Variants in CHD7 observed in about 807,000 individuals in gnomAD.
CHD7 encodes chromodomain helicase DNA binding protein 7, also known as ATP-dependent chromatin remodeler CHD7.
In CHD7, 24 loss-of-function variants were observed where a neutral mutation model predicts 307.3. The observed-to-expected ratio is 0.08, with a 90% CI of 0.06 to 0.11. The LOEUF (loss-of-function observed/expected upper bound fraction) is 0.11, where lower values mean the gene tolerates loss of function less well. Among genes scored for constraint, CHD7 ranks in the 10% least tolerant of loss-of-function variants. The pLI, the probability that CHD7 is intolerant of heterozygous loss-of-function variation, is 1.00. For missense variants in CHD7, 3,106 were observed against 3,727.1 expected (o/e 0.83, Z 4.34); for synonymous variants, 1,363 against 1,349.9 (o/e 1.01, Z -0.21).
chr8:60,816,275 G>T (rs572860801), intron 7 of CHD7, 112 bp from the exon 8 acceptor site: 15 of 647,662 alleles, frequency 2.3e-5, no homozygotes, highest in Non-Finnish European at 2.7e-6. Flanking sequence ...AGCCTTAATG[G>T]GTAATTAAGC....
At chr8:60,790,220 C>T (rs1811702141) in intron 3 of CHD7, among the ~76,000 whole-genome samples, 2 of 152,016 alleles carry the variant, frequency 1.3e-5, no homozygotes, top group South Asian at 4.1e-4. Context: ...GTCTCTCAGT[C>T]TCTAGCCTCA....
chr8:60,842,341 A>G (rs1006559111), intron 21 of CHD7, among the ~76,000 whole-genome samples: 3 of 152,240 alleles, frequency 2.0e-5, no homozygotes, highest in South Asian at 4.1e-4. Context: ...AATTAAGAAC[A>G]AAGTGTCAAA....
At chr8:60,767,269 G>A (rs562027740) in intron 2 of CHD7, among the ~76,000 whole-genome samples, 1 of 152,310 alleles carries the variant, frequency 6.6e-6, no homozygotes, top group African/African-American at 2.4e-5. Flanking sequence ...TGCTCTAAAG[G>A]GGAGCAGTGC....
chr8:60,744,853 TAA>T (rs149381181), intron 2 of CHD7, among the ~76,000 whole-genome samples: 107 of 141,208 alleles, frequency 7.6e-4, no homozygotes, highest in Admixed American at 8.4e-4. Context: ...AGACTCCATC[TAA>T]AAAAAAAAAA....
At chr8:60,751,182 C>G (rs1809623405) in intron 2 of CHD7, among the ~76,000 whole-genome samples, 1 of 152,090 alleles carries the variant, frequency 6.6e-6, no homozygotes, top group African/African-American at 2.4e-5. Context: ...GTAGTTAATT[C>G]CTCACCTCTA....
At chr8:60,725,539 A>G (rs1808121914) in intron 1 of CHD7, among the ~76,000 whole-genome samples, 1 of 152,196 alleles carries the variant, frequency 6.6e-6, no homozygotes, top group East Asian at 1.9e-4. Context: ...TTATTGTTGG[A>G]AAAGGAAATT....
Position 60,862,265 on chromosome 8 carries a change from A to G in CHD7, c.7900A>G (p.Asn2634Asp), listed in dbSNP as rs1385544270. ...KQKRHRCRNP[N>D]KLDINTLTGE... ...GAAACGACATAGATGTCGAAACCCT[A>G]ATAAATTGGATATAAACACTTTGAC... Residue 2634 changes from asparagine (N) to aspartate (D), a missense_variant, in exon 36 of 38, where the codon AAT (asparagine) becomes GAT (aspartate). By Grantham distance (23) the Asn-to-Asp change is conservative (BLOSUM62 1). Coordinates refer to ENST00000423902, the MANE Select transcript of CHD7 (RefSeq NM_017780.4). 6.2e-7 allele frequency: 1 copy of G among 1,611,740 alleles called. No individual in the cohort carries two copies. Among genetic ancestry groups the G allele is most frequent in the Non-Finnish European group, 8.5e-7 (1 of 1,178,840 alleles).
rs143843070 is a variant in CHD7, at chr8:60,730,945, A to G, written c.-174-10314A>G. 4.4e-3 allele frequency among the ~76,000 whole-genome samples: 674 copies of G among 152,286 alleles called. 4 individuals are homozygous for G. The highest frequency in any genetic ancestry group is 0.015 in the African/African-American group (623 of 41,550). ...GTGTACCCTTCTGAGTAGCATGATG[A>G]AGTATTGCATTGACCTGCACTGTCC... On this transcript the variant is annotated intron_variant, in intron 1 of 37. Transcript: ENST00000423902.
In CHD7 at chr8:60,843,249, A is replaced by G. The variant is rs1805051954; in HGVS notation, c.4850+1197A>G. Among the ~76,000 whole-genome samples, 3 of 152,296 alleles carry G rather than the reference A, an allele frequency of 2.0e-5. No homozygotes were observed. In the South Asian group the frequency reaches 6.2e-4, roughly 32 times the overall value. The stretch of plus-strand genomic sequence containing the variant: ...TCCATCATTATCTGTGAAGCTGGAC[A>G]TCCTCTCTTGTCTCTTCTTACATGG... On this transcript the variant is annotated intron_variant, in intron 21 of 37. Coordinates refer to ENST00000423902, the MANE Select transcript of CHD7 (RefSeq NM_017780.4).
At position 60,678,938 on chromosome 8, in the gene CHD7, AACTC is replaced by A. The variant is rs1805415505; in HGVS notation, c.-316_-313del. The A allele has an allele frequency of 1.3e-5, 2 of 151,978 alleles. No homozygotes were observed. Among genetic ancestry groups the A allele is most frequent in the Non-Finnish European group, 2.9e-5 (2 of 68,098 alleles). The allele number at this position is 151,978 out of a possible 1,614,324, so 9.4% of individuals were successfully genotyped here. On this transcript the variant is annotated 5_prime_UTR_variant, in exon 1 of 38. Coordinates refer to ENST00000423902, the MANE Select transcript of CHD7 (RefSeq NM_017780.4). The stretch of plus-strand genomic sequence containing the variant: ...CGGCCCGGGGACCCGGACACCCTGA[AACTC>A]ACCAGAGACCCGTTCGCCCCCGGCC...
intron 19 of CHD7, 21 bp downstream of exon 19, chr8:60,838,276 G>T: frequency 6.3e-7 from 1 of 1,588,456 alleles, no homozygotes; most frequent in East Asian, 2.3e-5. Flanking sequence ...ATCTAAAGAG[G>T]CCAGGTTTTC....
At chr8:60,692,500 G>A (rs1288873893) in intron 1 of CHD7, among the ~76,000 whole-genome samples, 1 of 152,130 alleles carries the variant, frequency 6.6e-6, no homozygotes, top group Non-Finnish European at 1.5e-5. Flanking sequence ...TTATTTCCAC[G>A]GGCATATAAT....
chr8:60,792,149 C>T (rs1300747116), intron 3 of CHD7, among the ~76,000 whole-genome samples: 1 of 152,212 alleles, frequency 6.6e-6, no homozygotes, highest in Non-Finnish European at 1.5e-5. Context: ...CTATAAATGA[C>T]AGTTCGAACT....
chr8:60,801,533 T>A lies in CHD7; in HGVS notation c.2382T>A (p.Ser794=). The A allele has an allele frequency of 6.4e-7, 1 of 1,570,264 alleles. No homozygotes were observed. The highest frequency in any genetic ancestry group is 1.9e-5 in the Admixed American group (1 of 53,694). ...GCACATGCCTTTTTTTTTAGGAATC[T>A]GTTGATGCAGAAGGCCCAGTGGTAG... is the stretch of plus-strand genomic sequence containing the variant. The part of the protein sequence containing the change: ...SNTSQSEQQE[S]VDAEGPVVEK... Residue 794 remains serine, a synonymous_variant, in exon 6 of 38, where the codon TCT becomes TCA. Coordinates refer to ENST00000423902, the MANE Select transcript of CHD7 (RefSeq NM_017780.4).
intron 1 of CHD7, among the ~76,000 whole-genome samples, chr8:60,735,764 T>C (rs1416380796): frequency 6.6e-6 from 1 of 152,222 alleles, no homozygotes; most frequent in African/African-American, 2.4e-5. Context: ...GGTCTTTGTT[T>C]AAACATGTTA....
rs73253019 is a variant in CHD7 at position 60,813,488 on chromosome 8, A to G, written c.2499-2899A>G. Among the ~76,000 whole-genome samples the G allele has an allele frequency of 9.7e-3, 1,472 of 152,270 alleles. 22 individuals carry two copies. The highest frequency in any genetic ancestry group is 0.034 in the African/African-American group (1,408 of 41,560). On this transcript the variant is annotated intron_variant, in intron 7 of 37. Transcript: ENST00000423902. ...TATCCATGCTTTCTGATTTTTGTGG[A>G]AAACTGTGGTGTTTCTTCATTTAGT... is the stretch of plus-strand genomic sequence containing the variant.
In CHD7 at chr8:60,797,996, C is replaced by T. The variant is rs553891333; in HGVS notation, c.2239-2392C>T. The stretch of plus-strand genomic sequence containing the variant: ...AAAGCTTTGAATGAATTCCCTTATG[C>T]GATCTTCATGGTATTCATATGAGGT... On this transcript the variant is annotated intron_variant, in intron 4 of 37. Coordinates refer to ENST00000423902, the MANE Select transcript of CHD7 (RefSeq NM_017780.4). Among the ~76,000 whole-genome samples, 20 of 152,254 alleles carry T rather than the reference C, an allele frequency of 1.3e-4. 1 individual carries two copies. The East Asian group carries it at 2.1e-3, about 16-fold the overall frequency.
chr8:60,788,227 A>G (rs1811596520), intron 3 of CHD7, among the ~76,000 whole-genome samples: 1 of 151,724 alleles, frequency 6.6e-6, no homozygotes, highest in African/African-American at 2.4e-5. Context: ...GGGCTCAAGC[A>G]GTCCTCCCTC....
At position 60,849,120 on chromosome 8, in the gene CHD7, A is replaced by G; in HGVS notation, c.5370A>G (p.Ala1790=). Residue 1790 remains alanine (A), a synonymous_variant, in exon 25 of 38, where the codon GCA becomes GCG. Transcript: ENST00000423902. ...CTGCAGATTGGTGGGATAAGGAAGC[A>G]GACAAATCCCTCTTAATTGGAGTGT... The part of the protein sequence containing the change: ...EVPADWWDKE[A]DKSLLIGVFK... 1 of 1,613,472 alleles carries G rather than the reference A, an allele frequency of 6.2e-7. No individual in the cohort carries two copies. Among genetic ancestry groups the G allele is most frequent in the Non-Finnish European group, 8.5e-7 (1 of 1,179,450 alleles).
Sources: gnomAD v4.1 joint callset for allele counts (sites outside exome capture counted in the v4.1 genomes callset) on GRCh38, gnomAD v4.1.1 for gene constraint, MANE v1.5 for transcripts, NCBI Gene and HGNC (gene_info 2026-07-23, HGNC 2026-07-21) for gene names.